CD96: variants seen among roughly 807,000 people sequenced by gnomAD.
CD96 encodes the protein CD96 molecule.
In CD96, 70 loss-of-function variants were observed where a neutral mutation model predicts 71.3. That is an observed-to-expected ratio of 0.98 (90% confidence interval 0.81 to 1.20). The LOEUF (loss-of-function observed/expected upper bound fraction) is 1.20. Among genes scored for constraint, CD96 ranks in the 50% most tolerant of loss-of-function variants. CD96 has a pLI of 0.00. For synonymous variants in CD96, 248 were observed against 233.0 expected, an observed-to-expected ratio of 1.06 and a Z score of -0.59; for missense variants, 742 against 677.5, an observed-to-expected ratio of 1.10 and a Z score of -1.06.
intron 7 of CD96, among the ~76,000 whole-genome samples, chr3:111,601,256 A>G (rs188592592): frequency 1.3e-5 from 2 of 152,332 alleles, no homozygotes; most frequent in East Asian, 3.9e-4. Flanking sequence ...GATGATCAAG[A>G]AAGATTTAAA....
intron 5 of CD96, chr3:111,594,205 A>C: frequency 1.3e-6 from 2 of 1,583,792 alleles, no homozygotes; most frequent in Non-Finnish European, 1.7e-6. Context: ...TCATCATGTC[A>C]CCTCTTCTAC....
chr3:111,564,087 C>G (rs895871899), intron 2 of CD96, among the ~76,000 whole-genome samples: 5 of 152,120 alleles, frequency 3.3e-5, no homozygotes, highest in African/African-American at 1.2e-4. Flanking sequence ...TTGCTCGATA[C>G]TTTTATATGA....
intron 4 of CD96, among the ~76,000 whole-genome samples, chr3:111,579,821 C>T (rs1936387852): frequency 6.6e-6 from 1 of 152,120 alleles, no homozygotes; most frequent in South Asian, 2.1e-4. Context: ...TCTGAAAGGC[C>T]CCAGCTCTCA....
intron 14 of CD96, among the ~76,000 whole-genome samples, chr3:111,661,112 C>A (rs1360556134): frequency 6.6e-6 from 1 of 152,050 alleles, no homozygotes; most frequent in Non-Finnish European, 1.5e-5. Flanking sequence ...TGAAGGGGAA[C>A]CAAGCATGTC....
In CD96 at chr3:111,600,203, G is replaced by A. The variant is rs1937431551; in HGVS notation, c.899-523G>A. Among the ~76,000 whole-genome samples the A allele has an allele frequency of 3.3e-5, 5 of 152,082 alleles. No homozygotes were observed. The South Asian group carries it at 1.0e-3, about 32-fold the overall frequency. ...AGCTCCTTCGTCCTTCCTCTCTAAG[G>A]GCCACAGCCAGACACACTTCCTCGC... On this transcript the variant is annotated intron_variant, in intron 6 of 13. Transcript: ENST00000352690.
At chr3:111,609,930 C>G (rs915787198) in intron 8 of CD96, among the ~76,000 whole-genome samples, 3 of 152,166 alleles carry the variant, frequency 2.0e-5, no homozygotes, top group Non-Finnish European at 4.4e-5. Flanking sequence ...GTGCTACTGG[C>G]ATCTAGTGTA....
intron 6 of CD96, among the ~76,000 whole-genome samples, chr3:111,600,367 C>T (rs1459870362): frequency 6.6e-6 from 1 of 152,226 alleles, no homozygotes; most frequent in Non-Finnish European, 1.5e-5. Flanking sequence ...CACAGCAGAG[C>T]TCTCCCAAGA....
intron 11 of CD96, 24 bp downstream of exon 11, chr3:111,637,285 G>C (rs1299491715): frequency 7.7e-7 from 1 of 1,294,478 alleles, no homozygotes; most frequent in Non-Finnish European, 1.1e-6. Flanking sequence ...GAAGATTTAG[G>C]GACACTGAAG....
chr3:111,575,942 A>C (rs1279964793), intron 3 of CD96, among the ~76,000 whole-genome samples: 1 of 152,226 alleles, frequency 6.6e-6, no homozygotes, highest in Admixed American at 6.5e-5. Context: ...GGAAGGGACA[A>C]AAACATTCAA....
intron 12 of CD96, among the ~76,000 whole-genome samples, chr3:111,642,698 T>C (rs1446281297): frequency 2.6e-5 from 4 of 151,742 alleles, no homozygotes; most frequent in Non-Finnish European, 5.9e-5. Flanking sequence ...TCCCAGCTAC[T>C]TGGGAGGCTG....
At chr3:111,587,513 G>A (rs79166782) in intron 5 of CD96, among the ~76,000 whole-genome samples, 8,258 of 152,230 alleles carry the variant, frequency 0.054, 297 homozygotes, top group South Asian at 0.1. Context: ...AAGCTGTCAC[G>A]GATCTACCAT....
chr3:111,580,460 CAATT>C (rs35942962), intron 4 of CD96, among the ~76,000 whole-genome samples: 107,097 of 151,276 alleles, frequency 0.71, 38,014 homozygotes, highest in East Asian at 0.87. Context: ...GGTGGATAGA[CAATT>C]AATTATTTTT....
chr3:111,562,102 A>C (rs1241130180), intron 2 of CD96, among the ~76,000 whole-genome samples: 1 of 152,174 alleles, frequency 6.6e-6, no homozygotes. Flanking sequence ...GCCTGCGCCC[A>C]CTGTCTGGCG....
At chr3:111,654,428 C>T (rs1183250699), downstream of CD96, among the ~76,000 whole-genome samples, 1 of 152,218 alleles carries the variant, frequency 6.6e-6, no homozygotes, top group African/African-American at 2.4e-5. Context: ...ATTGTTAAAG[C>T]TTGAATGGTG....
chr3:111,654,237 G>A (rs1940174920), downstream of CD96, among the ~76,000 whole-genome samples: 2 of 152,186 alleles, frequency 1.3e-5, no homozygotes, highest in African/African-American at 4.8e-5. Context: ...TTAACTGGCA[G>A]AAACACATAG....
downstream of CD96, among the ~76,000 whole-genome samples, chr3:111,653,951 A>G (rs1344614389): frequency 1.3e-5 from 2 of 152,208 alleles, no homozygotes; most frequent in Non-Finnish European, 2.9e-5. Context: ...AAAAGAGATT[A>G]ATCAAGATCA....
chr3:111,555,774 G>C (rs1382156951), intron 2 of CD96, among the ~76,000 whole-genome samples: 1 of 152,300 alleles, frequency 6.6e-6, no homozygotes, highest in Non-Finnish European at 1.5e-5. Flanking sequence ...GTTCTTGGAT[G>C]TGTAGATTAA....
intron 3 of CD96, among the ~76,000 whole-genome samples, chr3:111,574,033 A>G (rs1936109094): frequency 6.6e-6 from 1 of 152,198 alleles, no homozygotes; most frequent in African/African-American, 2.4e-5. Context: ...CACTGACTGG[A>G]TGGAGAATAA....
intron 2 of CD96, among the ~76,000 whole-genome samples, chr3:111,563,600 A>G (rs1040771236): frequency 5.9e-5 from 9 of 152,162 alleles, no homozygotes; most frequent in African/African-American, 2.2e-4. Context: ...TGTTTTTTTA[A>G]ACACATTTCC....
Sources: allele counts gnomAD v4.1 joint callset (sites outside exome capture counted in the v4.1 genomes callset), GRCh38; gene constraint gnomAD v4.1.1; transcripts MANE v1.5; gene names NCBI Gene and HGNC (gene_info 2026-07-23, HGNC 2026-07-21).